Variants in BTBD9 observed in about 807,000 individuals in gnomAD.
BTBD9 encodes BTB domain containing 9, also known as BTB/POZ domain-containing protein 9.
In BTBD9, 49 loss-of-function variants were observed where a neutral mutation model predicts 64.3. The observed-to-expected ratio is 0.76, with a 90% CI of 0.61 to 0.97. BTBD9 has a LOEUF of 0.97. Ranked by LOEUF, BTBD9 falls within the 50% of genes least tolerant of loss-of-function variation. The pLI is 0.00. For synonymous variants in BTBD9, 260 were observed against 274.7 expected, an observed-to-expected ratio of 0.95 and a Z score of 0.53; for missense variants, 598 against 762.1, an observed-to-expected ratio of 0.78 and a Z score of 2.53.
intron 9 of BTBD9, among the ~76,000 whole-genome samples, chr6:38,204,224 C>T (rs1488675431): frequency 6.6e-6 from 1 of 151,990 alleles, no homozygotes; most frequent in Non-Finnish European, 1.5e-5. Context: ...CTTCAAGATA[C>T]ATACCCAAGA....
At chr6:38,415,038 ATG>A (rs1234264525) in intron 6 of BTBD9, among the ~76,000 whole-genome samples, 1 of 152,108 alleles carries the variant, frequency 6.6e-6, no homozygotes, top group African/African-American at 2.4e-5. Context: ...TATCATCTCA[ATG>A]TTCCCACTCT....
intron 6 of BTBD9, among the ~76,000 whole-genome samples, chr6:38,385,648 TG>T (rs1766127677): frequency 6.6e-6 from 1 of 152,112 alleles, no homozygotes; most frequent in South Asian, 2.1e-4. Context: ...CTCAAATAAA[TG>T]GGGAGACAGG....
rs115244200 is a variant in BTBD9, at chr6:38,329,287, T to C, written c.1264+15697A>G. ...TAGGATGAATTATTAAAGGTCAAAGTAGTAGATAAAGGAGTATTTTAAAGA... is the reference window on the plus strand; with the variant it reads ...TAGGATGAATTATTAAAGGTCAAAGCAGTAGATAAAGGAGTATTTTAAAGA... On this transcript the variant is annotated intron_variant, in intron 7 of 10. Coordinates refer to ENST00000481247, the MANE Select transcript of BTBD9 (RefSeq NM_001099272.2). Among the ~76,000 whole-genome samples the C allele has an allele frequency of 1.6e-3, 244 of 151,780 alleles. 1 individual carries two copies. Among genetic ancestry groups the C allele is most frequent in the African/African-American group, 5.6e-3 (233 of 41,418 alleles).
chr6:38,245,670 A>G (rs1471433662), intron 9 of BTBD9, among the ~76,000 whole-genome samples: 2 of 152,154 alleles, frequency 1.3e-5, no homozygotes, highest in Admixed American at 6.5e-5. Context: ...CCACCTGCCT[A>G]TAGTAAGTAA....
intron 6 of BTBD9, among the ~76,000 whole-genome samples, chr6:38,408,501 T>C (rs1053586390): frequency 1.3e-5 from 2 of 152,242 alleles, no homozygotes; most frequent in Non-Finnish European, 2.9e-5. Flanking sequence ...AACCCACCAA[T>C]GTTTGTTTTT....
At chr6:38,175,269 G>A in intron 10 of BTBD9, 87 bp from the exon 11 acceptor site, 1 of 1,388,818 alleles carries the variant, frequency 7.2e-7, no homozygotes, top group South Asian at 1.2e-5. Flanking sequence ...GCCCTGCCCA[G>A]CTTTGGGGGC....
In BTBD9 at chr6:38,525,402, A is replaced by C. The variant is rs148511952; in HGVS notation, c.1154+52198T>G. On this transcript the variant is annotated intron_variant, in intron 6 of 10. Transcript: ENST00000481247. ...TAAAAATTACCCGGTCTCAGGTAGT[A>C]TCTTTATAGCAGTGTGAAAATGGAC... is the stretch of plus-strand genomic sequence containing the variant. Among the ~76,000 whole-genome samples, 157 of 152,316 alleles carry C rather than the reference A, an allele frequency of 1.0e-3. 1 individual carries two copies. Among genetic ancestry groups the C allele is most frequent in the African/African-American group, 3.3e-3 (139 of 41,582 alleles).
intron 6 of BTBD9, among the ~76,000 whole-genome samples, chr6:38,466,415 C>T (rs1770397014): frequency 6.6e-6 from 1 of 151,390 alleles, no homozygotes; most frequent in Admixed American, 6.6e-5. Flanking sequence ...CGTCAGCTTC[C>T]CGAGTAGCTG....
At chr6:38,436,806 C>G (rs957934689) in intron 6 of BTBD9, among the ~76,000 whole-genome samples, 2 of 152,184 alleles carry the variant, frequency 1.3e-5, no homozygotes, top group Non-Finnish European at 2.9e-5. Flanking sequence ...TCAGTAAGAA[C>G]AGCATCTCTG....
chr6:38,319,533 C>T (rs1030505721), intron 7 of BTBD9, among the ~76,000 whole-genome samples: 3 of 151,954 alleles, frequency 2.0e-5, no homozygotes, highest in Non-Finnish European at 4.4e-5. Flanking sequence ...GGGTCCTTCC[C>T]GTCAGGGCAG....
At chr6:38,321,651 C>G in intron 7 of BTBD9, among the ~76,000 whole-genome samples, 1 of 152,104 alleles carries the variant, frequency 6.6e-6, no homozygotes, top group East Asian at 1.9e-4. Context: ...TTGTTTTTAA[C>G]ACTAAATATT....
intron 8 of BTBD9, among the ~76,000 whole-genome samples, chr6:38,262,755 C>T (rs534668215): frequency 3.5e-4 from 53 of 152,294 alleles, no homozygotes; most frequent in African/African-American, 1.2e-3. Context: ...CAAATTGTAG[C>T]ATTTTAATTG....
chr6:38,613,628 T>A (rs559420751), intron 1 of BTBD9, among the ~76,000 whole-genome samples: 33 of 151,718 alleles, frequency 2.2e-4, no homozygotes, highest in African/African-American at 4.6e-4. Context: ...TTTATCTTTT[T>A]TAAAAAAAAA....
intron 8 of BTBD9, among the ~76,000 whole-genome samples, chr6:38,283,426 T>C (rs752055462): frequency 8.8e-4 from 134 of 152,124 alleles, no homozygotes; most frequent in Middle Eastern, 3.2e-3. Context: ...GTCAGTAGGA[T>C]CACTTGAGCC....
intron 6 of BTBD9, among the ~76,000 whole-genome samples, chr6:38,571,174 T>C (rs1305465548): frequency 6.6e-6 from 1 of 152,206 alleles, no homozygotes; most frequent in African/African-American, 2.4e-5. Context: ...AGCTCTTCAG[T>C]CATAAGAAGA....
At chr6:38,294,502 G>A (rs1027101955) in intron 7 of BTBD9, among the ~76,000 whole-genome samples, 1 of 152,178 alleles carries the variant, frequency 6.6e-6, no homozygotes, top group African/African-American at 2.4e-5. Context: ...GTCCTTTGCA[G>A]GGACATGCAT....
Position 38,375,955 on chromosome 6 carries a change from G to GAAAA in BTBD9, c.1155-30863_1155-30862insTTTT, listed in dbSNP as rs1180302771. Among the ~76,000 whole-genome samples, 476 of 143,538 alleles carry GAAAA rather than the reference G, an allele frequency of 3.3e-3. 3 individuals are homozygous for GAAAA. The highest frequency in any genetic ancestry group is 0.012 in the African/African-American group (453 of 36,972). The allele number at this position is 143,538 out of a possible 152,430, so 94.2% of individuals were successfully genotyped here. On this transcript the variant is annotated intron_variant, in intron 6 of 10. Transcript: ENST00000481247. ...AGAAAGAAAGAAGGAAAGAAGGAAAGAAAGAAAGAAAAAACGTGTAGGCAT... is the reference window on the plus strand; with the variant it reads ...AGAAAGAAAGAAGGAAAGAAGGAAAGAAAAAAAGAAAGAAAAAACGTGTAGGCAT...
chr6:38,533,255 G>A (rs1256115152), intron 6 of BTBD9, among the ~76,000 whole-genome samples: 2 of 152,138 alleles, frequency 1.3e-5, no homozygotes, highest in African/African-American at 2.4e-5. Flanking sequence ...AAAAGAACAG[G>A]AGTAGCTATA....
chr6:38,638,595 G>A (rs1000444711), intron 1 of BTBD9, among the ~76,000 whole-genome samples: 3 of 152,198 alleles, frequency 2.0e-5, no homozygotes, highest in African/African-American at 7.2e-5. Flanking sequence ...TGAATTCCGA[G>A]TAATCTAATA....
Sources: gnomAD v4.1 joint callset for allele counts (sites outside exome capture counted in the v4.1 genomes callset) on GRCh38, gnomAD v4.1.1 for gene constraint, MANE v1.5 for transcripts, NCBI Gene and HGNC (gene_info 2026-07-23, HGNC 2026-07-21) for gene names.